CST7: variants seen among roughly 807,000 people sequenced by gnomAD.
CST7 encodes cystatin F.
CST7 carries 15 observed loss-of-function variants against 13.1 expected under a neutral mutation model. The ratio of observed to expected loss-of-function variants is 1.14; its 90% CI spans 0.77 to 1.76. The LOEUF (loss-of-function observed/expected upper bound fraction) is 1.76, where lower values mean the gene tolerates loss of function less well. Among genes scored for constraint, CST7 ranks in the 40% most tolerant of loss-of-function variants. CST7 has a pLI of 0.00. For missense variants in CST7, 193 were observed against 178.8 expected, an observed-to-expected ratio of 1.08 and a Z score of -0.45; for synonymous variants, 75 against 66.9, an observed-to-expected ratio of 1.12 and a Z score of -0.59.
chr20:24,950,636 C>T (rs993865449), intron 1 of CST7, among the ~76,000 whole-genome samples: 2 of 152,202 alleles, frequency 1.3e-5, no homozygotes, highest in African/African-American at 2.4e-5. Flanking sequence ...TAGTGCTCAG[C>T]GAACATGGAG....
At chr20:24,953,730 C>T (rs922698410) in intron 1 of CST7, among the ~76,000 whole-genome samples, 2 of 152,188 alleles carry the variant, frequency 1.3e-5, no homozygotes, top group Non-Finnish European at 2.9e-5. Context: ...GCTGCCCCGG[C>T]AGGCTCCTGG....
intron 1 of CST7, among the ~76,000 whole-genome samples, chr20:24,955,775 G>A (rs1297496555): frequency 1.3e-5 from 2 of 152,190 alleles, no homozygotes; most frequent in Non-Finnish European, 1.5e-5. Flanking sequence ...GCAGTTTCAG[G>A]GGGGATGTGT....
chr20:24,952,949 C>T (rs940358817), intron 1 of CST7, among the ~76,000 whole-genome samples: 2 of 99,116 alleles, frequency 2.0e-5, no homozygotes, highest in South Asian at 4.1e-4. Context: ...GCCACCACAG[C>T]GATCCCTGCC....
chr20:24,957,357 AGGAGTCC>A lies in CST7; in HGVS notation c.142_148del (p.Gly48SerfsTer30), dbSNP rs1459991738. 1 of 1,613,700 alleles carries A rather than the reference AGGAGTCC, an allele frequency of 6.2e-7. No homozygotes were observed. The highest frequency in any genetic ancestry group is 1.7e-5 in the Admixed American group (1 of 59,986). On this transcript the variant is annotated frameshift_variant, in exon 2 of 4. Coordinates refer to ENST00000480798, the MANE Select transcript of CST7 (RefSeq NM_003650.4). LOFTEE classifies it high-confidence loss of function. ...CTAAAACAATAAAGACCAATGACCCAGGAGTCCTCCAAGCAGCCAGATACAGTGTTGA... is the reference window on the plus strand; with the variant it reads ...CTAAAACAATAAAGACCAATGACCCATCCAAGCAGCCAGATACAGTGTTGA...
At chr20:24,955,447 T>G in intron 1 of CST7, among the ~76,000 whole-genome samples, 1 of 107,374 alleles carries the variant, frequency 9.3e-6, no homozygotes, top group Non-Finnish European at 2.1e-5. Flanking sequence ...GCCTAAAGTC[T>G]TTTTTTTTTT....
At chr20:24,956,310 C>A (rs899753913) in intron 1 of CST7, among the ~76,000 whole-genome samples, 1 of 152,176 alleles carries the variant, frequency 6.6e-6, no homozygotes. Flanking sequence ...TTGACACTGA[C>A]GTCCTGGCAA....
chr20:24,955,847 C>G (rs1325862396), intron 1 of CST7, among the ~76,000 whole-genome samples: 1 of 152,196 alleles, frequency 6.6e-6, no homozygotes, highest in Non-Finnish European at 1.5e-5. Flanking sequence ...CAGCTATCCA[C>G]CAGCACACAG....
chr20:24,950,865 G>A (rs1568803997), intron 1 of CST7, among the ~76,000 whole-genome samples: 1 of 152,138 alleles, frequency 6.6e-6, no homozygotes. Flanking sequence ...GGGAAGAGAG[G>A]CAAGTTCACT....
chr20:24,959,761 T>C lies in CST7; in HGVS notation c.*49T>C. On this transcript the variant is annotated 3_prime_UTR_variant, in exon 4 of 4. Coordinates refer to ENST00000480798, the MANE Select transcript of CST7 (RefSeq NM_003650.4). ...CAGCCATGACAAACACCAGGATGCA[T>C]GCTCCTTGTCCCCTCCCACCCGCCT... 1.9e-6 allele frequency: 3 copies of C among 1,564,580 alleles called. No homozygotes were observed. The highest frequency in any genetic ancestry group is 2.2e-5 in the East Asian group (1 of 44,654).
At chr20:24,953,029 G>A (rs573472178) in intron 1 of CST7, among the ~76,000 whole-genome samples, 8 of 152,230 alleles carry the variant, frequency 5.3e-5, no homozygotes, top group Non-Finnish European at 1.0e-4. Flanking sequence ...GGACAGGAAC[G>A]TACCCTGCCC....
At chr20:24,954,865 A>G (rs1474936642) in intron 1 of CST7, among the ~76,000 whole-genome samples, 1 of 152,188 alleles carries the variant, frequency 6.6e-6, no homozygotes, top group East Asian at 1.9e-4. Context: ...AAAAAAGTTA[A>G]TAGTGGTTAG....
chr20:24,949,900 G>T (rs550355178), intron 1 of CST7, among the ~76,000 whole-genome samples: 2 of 152,224 alleles, frequency 1.3e-5, no homozygotes, highest in East Asian at 1.9e-4. Context: ...TCTGCGGGAC[G>T]GAGGCGACAG....
intron 1 of CST7, among the ~76,000 whole-genome samples, chr20:24,951,058 G>A (rs1466104755): frequency 6.6e-6 from 1 of 152,174 alleles, no homozygotes; most frequent in Non-Finnish European, 1.5e-5. Flanking sequence ...CCGATGTGCT[G>A]GGCAGCTGGC....
intron 3 of CST7, among the ~76,000 whole-genome samples, chr20:24,959,432 G>C (rs1207513284): frequency 6.6e-6 from 1 of 152,074 alleles, no homozygotes; most frequent in Non-Finnish European, 1.5e-5. Flanking sequence ...CAAGAGAACG[G>C]GAACACAGCA....
intron 3 of CST7, among the ~76,000 whole-genome samples, 158 bp downstream of exon 3, chr20:24,959,202 C>T (rs778955761): frequency 2.0e-5 from 3 of 152,144 alleles, no homozygotes; most frequent in South Asian, 2.1e-4. Flanking sequence ...ACTGAGGATC[C>T]GGGAGAACAG....
chr20:24,956,437 G>A (rs144867726), intron 1 of CST7, among the ~76,000 whole-genome samples: 8 of 152,290 alleles, frequency 5.3e-5, no homozygotes, highest in East Asian at 1.9e-4. Flanking sequence ...AAAGACGCAC[G>A]TCCTGCAGCC....
chr20:24,949,420 C>A lies in CST7; in HGVS notation c.-86C>A. On this transcript the variant is annotated 5_prime_UTR_variant, in exon 1 of 4. Coordinates refer to ENST00000480798, the MANE Select transcript of CST7 (RefSeq NM_003650.4). ...CAAGAAGGCTCGGCACGGGCACCAA[C>A]CACTGCCTCCAACTGCCCCATGCTG... 6.2e-7 allele frequency: 1 copy of A among 1,610,164 alleles called. No individual in the cohort carries two copies. The highest frequency in any genetic ancestry group is 8.5e-7 in the Non-Finnish European group (1 of 1,177,746).
chr20:24,958,649 T>C (rs1416019088), intron 2 of CST7, among the ~76,000 whole-genome samples: 1 of 152,080 alleles, frequency 6.6e-6, no homozygotes, highest in African/African-American at 2.4e-5. Flanking sequence ...CAGCAGGGCA[T>C]GCAGGAGACC....
In CST7 at chr20:24,959,736, C is replaced by T. The variant is rs369649161; in HGVS notation, c.*24C>T. The T allele has an allele frequency of 3.4e-5, 55 of 1,610,168 alleles. No individual in the cohort carries two copies. Among genetic ancestry groups the T allele is most frequent in the Non-Finnish European group, 3.0e-5 (35 of 1,176,570 alleles). On this transcript the variant is annotated 3_prime_UTR_variant, in exon 4 of 4. Transcript: ENST00000480798. ...GACCCCCGCCTCTTCAGCAAGACCA[C>T]AGCCATGACAAACACCAGGATGCAT... is the stretch of plus-strand genomic sequence containing the variant.
Sources: gnomAD v4.1 joint callset for allele counts (sites outside exome capture counted in the v4.1 genomes callset) on GRCh38, gnomAD v4.1.1 for gene constraint, MANE v1.5 for transcripts, NCBI Gene and HGNC (gene_info 2026-07-23, HGNC 2026-07-21) for gene names.